Variants in CHST15 observed in about 807,000 individuals in gnomAD.
CHST15 encodes carbohydrate sulfotransferase 15.
CHST15 carries 30 observed loss-of-function variants against 53.6 expected under a neutral mutation model. The ratio of observed to expected loss-of-function variants is 0.56; its 90% CI spans 0.42 to 0.76. CHST15 has a LOEUF of 0.76. Among genes scored for constraint, CHST15 ranks in the 30% least tolerant of loss-of-function variants. CHST15 has a pLI of 0.00. For synonymous variants in CHST15, 296 were observed against 289.8 expected, an observed-to-expected ratio of 1.02 and a Z score of -0.22; for missense variants, 627 against 740.5, an observed-to-expected ratio of 0.85 and a Z score of 1.78.
In CHST15 at chr10:124,008,364, C is replaced by T. The variant is rs1416942914; in HGVS notation, c.*1785G>A. ...GCGCGTACACACACACACACGCGCGCACTGTACTGCAAATAAATATACACA... is the reference window on the plus strand; with the variant it reads ...GCGCGTACACACACACACACGCGCGTACTGTACTGCAAATAAATATACACA... On this transcript the variant is annotated 3_prime_UTR_variant, in exon 8 of 8. Coordinates refer to ENST00000435907, the MANE Select transcript of CHST15 (RefSeq NM_001270764.2). The T allele has an allele frequency of 9.7e-7, 1 of 1,028,766 alleles. No homozygotes were observed. Among genetic ancestry groups the T allele is most frequent in the African/African-American group, 1.7e-5 (1 of 59,014 alleles). 63.7% of individuals were successfully genotyped at this position (1,028,766 alleles called of 1,614,324 possible).
chr10:124,067,025 C>T (rs1343227702), intron 1 of CHST15, among the ~76,000 whole-genome samples: 1 of 152,256 alleles, frequency 6.6e-6, no homozygotes, highest in Non-Finnish European at 1.5e-5. Flanking sequence ...GAGTAACTGG[C>T]TGCACTTAGC....
intron 1 of CHST15, among the ~76,000 whole-genome samples, chr10:124,053,928 CA>C: frequency 6.6e-6 from 1 of 152,040 alleles, no homozygotes; most frequent in East Asian, 1.9e-4. Context: ...CAAAAACCAA[CA>C]AACAAACAAA....
rs148977403 is a variant in CHST15 at position 124,010,166 on chromosome 10, C to A, written c.1669G>T (p.Ala557Ser). Reference sequence around the variant, plus strand: ...TTCAGCTCTCACGTCGTCTTCCACGCAAACGCCTCATCCGCGAGGACCTGC... The same window carrying A: ...TTCAGCTCTCACGTCGTCTTCCACGAAAACGCCTCATCCGCGAGGACCTGC... Reference protein sequence around the residue: ...LAQVLADEAFAWKTT With the variant: ...LAQVLADEAFSWKTT Residue 557 changes from alanine to serine, a missense_variant, in exon 8 of 8, where the codon GCG becomes TCG. By Grantham distance (99) the Ala-to-Ser change is moderately conservative (BLOSUM62 1). Around this residue, in one of 3 missense-constraint regions of CHST15, gnomAD observed 279 missense variants for 371.6 expected, o/e 0.75. Coordinates refer to ENST00000435907, the MANE Select transcript of CHST15 (RefSeq NM_001270764.2). 1 of 1,613,100 alleles carries A rather than the reference C, an allele frequency of 6.2e-7. No homozygotes were observed. Among genetic ancestry groups the A allele is most frequent in the East Asian group, 2.2e-5 (1 of 44,890 alleles).
At chr10:124,065,211 C>T (rs558911418) in intron 1 of CHST15, among the ~76,000 whole-genome samples, 19 of 151,952 alleles carry the variant, frequency 1.3e-4, no homozygotes, top group Non-Finnish European at 2.5e-4. Flanking sequence ...AGGCAAAACC[C>T]CATCTCTACA....
intron 5 of CHST15, among the ~76,000 whole-genome samples, chr10:124,025,588 C>G (rs1007248087): frequency 1.3e-5 from 2 of 152,152 alleles, no homozygotes; most frequent in African/African-American, 4.8e-5. Flanking sequence ...ATCTGGATTC[C>G]GTAGTTGGAT....
chr10:124,020,534 G>A lies in CHST15; in HGVS notation c.1347+722C>T, dbSNP rs1433343826. The A allele has an allele frequency of 1.9e-5, 19 of 985,414 alleles. No individual in the cohort carries two copies. The Admixed American group carries it at 1.1e-3, about 57-fold the overall frequency. The allele number at this position is 985,414 out of a possible 1,614,324, so 61.0% of individuals were successfully genotyped here. A position where few individuals can be genotyped will look rare whatever the true frequency, so the allele number is the denominator to read the frequency against. Reference sequence around the variant, plus strand: ...TTGGCCTGAAGTCCCACCACCTGGGGGCTTCCAAGACTCCACAGCAGGCCT... The same window carrying A: ...TTGGCCTGAAGTCCCACCACCTGGGAGCTTCCAAGACTCCACAGCAGGCCT... On this transcript the variant is annotated intron_variant, in intron 6 of 7. Coordinates refer to ENST00000435907, the MANE Select transcript of CHST15 (RefSeq NM_001270764.2).
chr10:124,093,080 C>G (rs1949653645), intron 1 of CHST15, among the ~76,000 whole-genome samples: 1 of 152,148 alleles, frequency 6.6e-6, no homozygotes, highest in Admixed American at 6.5e-5. Flanking sequence ...GTAACCCTTC[C>G]CGCGGGGTCC....
intron 1 of CHST15, among the ~76,000 whole-genome samples, chr10:124,057,017 T>C (rs1373348723): frequency 1.3e-5 from 2 of 152,208 alleles, no homozygotes; most frequent in Non-Finnish European, 2.9e-5. Context: ...GCCCAGGTGG[T>C]GGCTTCCATG....
chr10:124,035,416 CT>C (rs1160469063), intron 5 of CHST15, among the ~76,000 whole-genome samples: 1 of 150,714 alleles, frequency 6.6e-6, no homozygotes, highest in African/African-American at 2.4e-5. Flanking sequence ...GGCTCCACCC[CT>C]AATAGGGACC....
chr10:124,041,315 T>A (rs1241337844), intron 4 of CHST15, among the ~76,000 whole-genome samples: 1 of 152,214 alleles, frequency 6.6e-6, no homozygotes, highest in African/African-American at 2.4e-5. Context: ...GATCACTATC[T>A]AAGGTAAACA....
chr10:124,033,095 G>A (rs1014459961), intron 5 of CHST15, among the ~76,000 whole-genome samples: 18 of 152,176 alleles, frequency 1.2e-4, no homozygotes, highest in Non-Finnish European at 1.8e-4. Flanking sequence ...CCAGGATCCC[G>A]TTAGACTGAT....
At chr10:124,014,599 C>T (rs985128188) in intron 6 of CHST15, among the ~76,000 whole-genome samples, 1 of 152,238 alleles carries the variant, frequency 6.6e-6, no homozygotes, top group Non-Finnish European at 1.5e-5. Flanking sequence ...GAGACCAACT[C>T]GCTGTTAAGT....
chr10:124,056,704 A>G (rs1178171573), intron 1 of CHST15, among the ~76,000 whole-genome samples: 1 of 152,190 alleles, frequency 6.6e-6, no homozygotes, highest in Admixed American at 6.5e-5. Context: ...CCCAACTCCT[A>G]TTTTGTCCCC....
intron 7 of CHST15, chr10:124,011,494 C>T: frequency 7.1e-6 from 7 of 985,408 alleles, no homozygotes; most frequent in South Asian, 4.7e-5. Flanking sequence ...TTCAGAAATA[C>T]TCAATTAACC....
In CHST15 at chr10:124,036,136, C is replaced by T. The variant is rs1440365056; in HGVS notation, c.1190+2379G>A. Among the ~76,000 whole-genome samples the T allele has an allele frequency of 2.0e-5, 3 of 152,162 alleles. No individual in the cohort carries two copies. The highest frequency in any genetic ancestry group is 2.9e-5 in the Non-Finnish European group (2 of 68,042). On this transcript the variant is annotated intron_variant, in intron 5 of 7. Transcript: ENST00000435907. This position sits in a 1 kb window ranked among gnomAD's most constrained non-coding sequence, Gnocchi z 5.1. ...GCACTTGCGCCCTTCAGCTGGGGGC[C>T]GTGTCGGGGAGGGAGGCAGAGCAGC...
chr10:124,072,691 C>T (rs1948957436), intron 1 of CHST15, among the ~76,000 whole-genome samples: 1 of 152,188 alleles, frequency 6.6e-6, no homozygotes, highest in African/African-American at 2.4e-5. Context: ...CATGCAGACA[C>T]CCAAAGCATG....
intron 4 of CHST15, among the ~76,000 whole-genome samples, chr10:124,039,963 T>C (rs1229196037): frequency 6.6e-6 from 1 of 152,198 alleles, no homozygotes; most frequent in Non-Finnish European, 1.5e-5. Context: ...CCCTATCATT[T>C]CTGTCGGATG....
chr10:124,066,737 G>T (rs758318665), intron 1 of CHST15, among the ~76,000 whole-genome samples: 3 of 152,184 alleles, frequency 2.0e-5, no homozygotes, highest in African/African-American at 7.2e-5. Context: ...TTCATCTTAG[G>T]ATGGGGGCAC....
chr10:124,038,392 CACTGTACCCG>C, intron 5 of CHST15, 113 bp downstream of exon 5: 1 of 1,109,690 alleles, frequency 9.0e-7, no homozygotes, highest in Non-Finnish European at 1.3e-6. Flanking sequence ...AGGCATGAGC[CACTGTACCCG>C]ACCTGTTTAA....
Sources: gnomAD v4.1 joint callset for allele counts (sites outside exome capture counted in the v4.1 genomes callset) on GRCh38, gnomAD v4.1.1 for gene constraint, gnomAD v4.1.1 regional missense constraint, Gnocchi (gnomAD v3.1) non-coding constraint, MANE v1.5 for transcripts, NCBI Gene and HGNC (gene_info 2026-07-23, HGNC 2026-07-21) for gene names.